Variants in PACS2 observed in about 807,000 individuals in gnomAD.
PACS2 encodes phosphofurin acidic cluster sorting protein 2.
PACS2 carries 36 observed loss-of-function variants against 113.0 expected under a neutral mutation model. That is an observed-to-expected ratio of 0.32 (90% CI 0.24 to 0.42). The LOEUF is 0.42. Among genes scored for constraint, PACS2 ranks in the 10% least tolerant of loss-of-function variants. The pLI is 1.00. For synonymous variants in PACS2, 589 were observed against 536.1 expected, an observed-to-expected ratio of 1.10 and a Z score of -1.36; for missense variants, 1,015 against 1,239.5, an observed-to-expected ratio of 0.82 and a Z score of 2.72.
intron 12 of PACS2, 57 bp downstream of exon 12, chr14:105,381,156 G>T: frequency 6.6e-7 from 1 of 1,512,010 alleles, no homozygotes; most frequent in East Asian, 2.3e-5. Context: ...GGGAGGGGCC[G>T]TCACGGGCAT....
chr14:105,369,601 A>G (rs1325828580), intron 7 of PACS2, among the ~76,000 whole-genome samples: 2 of 152,096 alleles, frequency 1.3e-5, no homozygotes, highest in Non-Finnish European at 2.9e-5. Flanking sequence ...GGCTTCTGGA[A>G]GAACCATGGA....
At chr14:105,379,656 C>A in intron 9 of PACS2, 83 bp from the exon 10 acceptor site, 1 of 1,124,948 alleles carries the variant, frequency 8.9e-7, no homozygotes, top group Non-Finnish European at 1.3e-6. Flanking sequence ...TCTGTCCCTC[C>A]AGGTGTGGTG....
Position 105,384,868 on chromosome 14 carries a change from T to A in PACS2, c.1892-11T>A. On this transcript the variant is annotated splice_polypyrimidine_tract_variant and intron_variant, in intron 17 of 24. Transcript: ENST00000447393. ...ACCAGCCTAACCCCCCACCGCCTCC[T>A]CCCCCTGCAGTACAGGACACGCCAG... The A allele has an allele frequency of 1.3e-6, 2 of 1,481,934 alleles. No homozygotes were observed. Among genetic ancestry groups the A allele is most frequent in the Non-Finnish European group, 9.3e-7 (1 of 1,079,522 alleles). 91.8% of individuals were successfully genotyped at this position (1,481,934 alleles called of 1,614,324 possible).
chr14:105,310,030 C>T (rs1052059422), upstream of PACS2, among the ~76,000 whole-genome samples: 19 of 151,624 alleles, frequency 1.3e-4, no homozygotes, highest in Non-Finnish European at 2.8e-4. Flanking sequence ...GAGATCCACC[C>T]GCCTCGGCCT....
chr14:105,346,361 C>T (rs1210506975), intron 1 of PACS2, among the ~76,000 whole-genome samples: 5 of 152,070 alleles, frequency 3.3e-5, no homozygotes, highest in African/African-American at 4.8e-5. Flanking sequence ...TGGTCCCATG[C>T]AGAATCACAC....
chr14:105,342,700 G>A (rs981821711), intron 1 of PACS2, among the ~76,000 whole-genome samples: 5 of 151,846 alleles, frequency 3.3e-5, no homozygotes, highest in African/African-American at 4.8e-5. Context: ...TCAGGAGGCC[G>A]AGGTGGGCGG....
intron 20 of PACS2, 107 bp from the exon 21 acceptor site, chr14:105,391,100 G>T (rs1555414702): frequency 1.1e-5 from 9 of 820,880 alleles, no homozygotes; most frequent in African/African-American, 1.0e-4. Context: ...GGCCGCTCCA[G>T]CATCATGGGA....
At chr14:105,379,155 A>G (rs2080892417) in intron 9 of PACS2, among the ~76,000 whole-genome samples, 1 of 151,954 alleles carries the variant, frequency 6.6e-6, no homozygotes, top group African/African-American at 2.4e-5. Flanking sequence ...GGTGGCCTGC[A>G]TCAGTGTGGA....
rs376648025 is a variant in PACS2, at chr14:105,362,334, T to C, written c.424-4879T>C. Among the ~76,000 whole-genome samples the C allele has an allele frequency of 2.1e-3, 295 of 143,522 alleles. 2 individuals are homozygous for C. Among genetic ancestry groups the C allele is most frequent in the African/African-American group, 4.4e-3 (167 of 38,348 alleles). 94.2% of individuals were successfully genotyped at this position (143,522 alleles called of 152,430 possible). On this transcript the variant is annotated intron_variant, in intron 4 of 24. Transcript: ENST00000447393. ...TCGGGAGGCTGAGGCAGGAGAATGG[T>C]GTGAACCTGGAGGTGGAGCTTGCAG...
rs1411264258 is a variant in PACS2, at chr14:105,317,771, T to C, written c.119+2734T>C. Among the ~76,000 whole-genome samples, 1 of 152,014 alleles carries C rather than the reference T, an allele frequency of 6.6e-6. No homozygotes were observed. The highest frequency in any genetic ancestry group is 6.5e-5 in the Admixed American group (1 of 15,272). On this transcript the variant is annotated intron_variant, in intron 1 of 24. Transcript: ENST00000447393. The surrounding 1 kb of genome is among the most constrained non-coding windows in gnomAD (Gnocchi z 4.2). The stretch of plus-strand genomic sequence containing the variant: ...CACTCCCCGTGTCAGCCTGGTGGAG[T>C]GTGCACATTGACTGTTTGCCAGGCT...
intron 1 of PACS2, among the ~76,000 whole-genome samples, chr14:105,336,122 G>A (rs1434460085): frequency 2.0e-5 from 3 of 152,232 alleles, no homozygotes; most frequent in Non-Finnish European, 4.4e-5. Flanking sequence ...CAAGGGGGCA[G>A]CTCCTGGAGA....
rs782277649 is a variant in PACS2 at position 105,376,768 on chromosome 14, G to C, written c.802G>C (p.Val268Leu). ...TCACGCGTGCCTGGCACCCGTGCAG[G>C]TCCTGGACTCGGAGCAGGACCCTGC... ...LLRRFKVSDE[V>L]LDSEQDPAEH... The change falls in exon 9 of 25, where the codon GTC becomes CTC. Residue 268 changes from valine to leucine, a missense_variant and splice_region_variant. Around this residue, in one of 3 missense-constraint regions of PACS2, gnomAD observed 859 missense variants for 1,056.8 expected, o/e 0.81. Transcript: ENST00000447393. This position sits in a 1 kb window ranked among gnomAD's most constrained non-coding sequence, Gnocchi z 4.7. The C allele has an allele frequency of 2.6e-5, 42 of 1,612,402 alleles. No individual in the cohort carries two copies. Among genetic ancestry groups the C allele is most frequent in the Non-Finnish European group, 3.6e-5 (42 of 1,179,604 alleles).
At chr14:105,326,593 A>G (rs1466661027) in intron 1 of PACS2, among the ~76,000 whole-genome samples, 2 of 152,186 alleles carry the variant, frequency 1.3e-5, no homozygotes, top group African/African-American at 2.4e-5. Flanking sequence ...TGGCCCTTCC[A>G]CATTCTCGGG....
chr14:105,305,719 T>C (rs2058168090), intron 1 of PACS2, among the ~76,000 whole-genome samples: 1 of 152,194 alleles, frequency 6.6e-6, no homozygotes, highest in African/African-American at 2.4e-5. Context: ...AGGTGCCCCA[T>C]GCTGCAAGCG....
Position 105,365,692 on chromosome 14 carries a change from C to T in PACS2, c.424-1521C>T, listed in dbSNP as rs759770419. The stretch of plus-strand genomic sequence containing the variant: ...GACCCCAGCCCGGCAGCCCCCTCCC[C>T]TCTGAGCTCATTTTACTGGGATCCC... On this transcript the variant is annotated intron_variant, in intron 4 of 24. Transcript: ENST00000447393. The surrounding 1 kb of genome is among the most constrained non-coding windows in gnomAD (Gnocchi z 5.1). 1.3e-5 allele frequency among the ~76,000 whole-genome samples: 2 copies of T among 152,234 alleles called. No homozygotes were observed. The highest frequency in any genetic ancestry group is 1.5e-5 in the Non-Finnish European group (1 of 68,036).
intron 20 of PACS2, chr14:105,390,410 G>A (rs2081317406): frequency 4.1e-6 from 1 of 242,686 alleles, no homozygotes; most frequent in Non-Finnish European, 8.3e-6. Flanking sequence ...TGCAGTGTGT[G>A]GGTTTCACTT....
rs372084384 is a variant in PACS2 at position 105,340,288 on chromosome 14, G to A, written c.120-8205G>A. Reference sequence around the variant, plus strand: ...GGTTTGGTGATAACTGAACATTCATGTAGGAAATAAAATGCAATCACAACA... The same window carrying A: ...GGTTTGGTGATAACTGAACATTCATATAGGAAATAAAATGCAATCACAACA... On this transcript the variant is annotated intron_variant, in intron 1 of 24. Transcript: ENST00000447393. This position sits in a 1 kb window ranked among gnomAD's most constrained non-coding sequence, Gnocchi z 4.2. 5.3e-5 allele frequency among the ~76,000 whole-genome samples: 8 copies of A among 152,316 alleles called. No individual in the cohort carries two copies. Among genetic ancestry groups the A allele is most frequent in the African/African-American group, 1.2e-4 (5 of 41,576 alleles).
Position 105,382,567 on chromosome 14 carries a change from G to T in PACS2, c.1504G>T (p.Asp502Tyr). 6.2e-7 allele frequency: 1 copy of T among 1,605,332 alleles called. No homozygotes were observed. Among genetic ancestry groups the T allele is most frequent in the South Asian group, 1.1e-5 (1 of 90,914 alleles). ...PENIILVNTS[D>Y]WQGQFLSDVL... ...AAACATCATCCTTGTCAACACCTCG[G>T]ACTGGCAGGGGCAGGTAGAGGGGCA... The change falls in exon 14 of 25, where the codon GAC (aspartate) becomes TAC (tyrosine). Residue 502 changes from aspartate (D) to tyrosine (Y), a missense_variant. By Grantham distance (160) the Asp-to-Tyr change is radical (BLOSUM62 -3). Around this residue, in one of 3 missense-constraint regions of PACS2, gnomAD observed 859 missense variants for 1,056.8 expected, o/e 0.81. Transcript: ENST00000447393.
At chr14:105,383,236 G>A in intron 15 of PACS2, 123 bp from the exon 16 acceptor site, 1 of 1,116,882 alleles carries the variant, frequency 9.0e-7, no homozygotes, top group South Asian at 1.2e-5. Context: ...CAGCTCCAGG[G>A]CAGTTGTGGC....
Sources: allele counts gnomAD v4.1 joint callset (sites outside exome capture counted in the v4.1 genomes callset), GRCh38; gene constraint gnomAD v4.1.1; regional missense constraint gnomAD v4.1.1; non-coding constraint Gnocchi (gnomAD v3.1); transcripts MANE v1.5; gene names NCBI Gene and HGNC (gene_info 2026-07-23, HGNC 2026-07-21).